The following ESPN variants were observed in gnomAD, a reference collection of about 807,000 sequenced individuals.
ESPN encodes autosomal recessive deafness type 36 protein.
A neutral mutation model predicts 77.7 loss-of-function variants in ESPN; 68 were observed. The ratio of observed to expected loss-of-function variants is 0.87; its 90% CI spans 0.72 to 1.07. The LOEUF is 1.07. ESPN is among the 50% of genes least tolerant of loss of function. The probability of loss-of-function intolerance (pLI) is 0.00; values close to 1 mark genes in which losing one functional copy is unlikely to be tolerated. For missense variants in ESPN, 1,060 were observed against 1,239.0 expected (o/e 0.86, Z 2.17); for synonymous variants, 449 against 567.1 (o/e 0.79, Z 2.96).
At chr1:6,454,980 C>G (rs1644024041) in intron 10 of ESPN, 1 of 379,334 alleles carries the variant, frequency 2.6e-6, no homozygotes, top group African/African-American at 2.1e-5. Flanking sequence ...CACCTACGAG[C>G]TGCGCGCACG....
intron 5 of ESPN, among the ~76,000 whole-genome samples, chr1:6,443,922 C>G (rs1297018188): frequency 1.3e-5 from 2 of 152,196 alleles, no homozygotes; most frequent in Non-Finnish European, 2.9e-5. Context: ...ACGCACAGAC[C>G]GGGCAGGGCG....
rs748372453 is a variant in ESPN, at chr1:6,444,446, T to C, written c.991-35T>C. 52 of 1,609,820 alleles carry C rather than the reference T, an allele frequency of 3.2e-5. No homozygotes were observed. The East Asian group carries it at 8.5e-4, about 26-fold the overall frequency. ...CTGGAGAGCAACGCATCTTGGGGTATGGTTGTCTTCATGGCCTCCCTGCCT... is the reference window on the plus strand; with the variant it reads ...CTGGAGAGCAACGCATCTTGGGGTACGGTTGTCTTCATGGCCTCCCTGCCT... On this transcript the variant is annotated intron_variant, in intron 5 of 12. Coordinates refer to ENST00000645284, the MANE Select transcript of ESPN (RefSeq NM_031475.3).
intron 10 of ESPN, among the ~76,000 whole-genome samples, chr1:6,452,630 C>CG (rs1643969983): frequency 6.6e-6 from 1 of 152,124 alleles, no homozygotes; most frequent in African/African-American, 2.4e-5. Context: ...GAGGTCTGGG[C>CG]GGGGCTGAGG....
chr1:6,436,798 A>G (rs775391622), intron 2 of ESPN, among the ~76,000 whole-genome samples: 13 of 152,024 alleles, frequency 8.6e-5, no homozygotes, highest in Admixed American at 2.6e-4. Flanking sequence ...TGTGATGAGA[A>G]TTTCATTTTG....
chr1:6,457,196 G>A lies in ESPN; in HGVS notation c.2338G>A (p.Glu780Lys). The change falls in exon 11 of 13, where the codon GAG becomes AAG. Residue 780 changes from glutamate to lysine, a missense_variant. Glu to Lys is a moderately conservative substitution (Grantham distance 56). Transcript: ENST00000645284. ...EEQRRKEEEE[E>K]ARLASMPAWR... ...GGTTGTGTTTCAGGAGGAGGAGGAG[G>A]AGGCCCGGCTGGCCAGCATGCCCGC... 5.0e-6 allele frequency: 8 copies of A among 1,604,960 alleles called. No individual in the cohort carries two copies. Among genetic ancestry groups the A allele is most frequent in the Non-Finnish European group, 6.8e-6 (8 of 1,175,622 alleles).
chr1:6,424,911 T>C lies in ESPN; in HGVS notation c.-45T>C, dbSNP rs756448966. ...CCGCAAGAACACGTGCATGGCGTCC[T>C]GGGGAAGGCGCTGAGTGCGGAGTCG... On this transcript the variant is annotated 5_prime_UTR_variant, in exon 1 of 13. Transcript: ENST00000645284. 4.0e-5 allele frequency: 56 copies of C among 1,414,802 alleles called. 1 individual carries two copies. In the South Asian group the frequency reaches 5.2e-4, roughly 13 times the overall value. The allele number at this position is 1,414,802 out of a possible 1,614,324, so 87.6% of individuals were successfully genotyped here.
In ESPN at chr1:6,456,981, C is replaced by T. The variant is rs140949581; in HGVS notation, c.2326-203C>T. ...TCAGCTCTGATCTCTCTGGTGCCTCCTGTAGGACATGAGGGTCTGGGTTAC... is the reference window on the plus strand; with the variant it reads ...TCAGCTCTGATCTCTCTGGTGCCTCTTGTAGGACATGAGGGTCTGGGTTAC... On this transcript the variant is annotated intron_variant, in intron 10 of 12. Transcript: ENST00000645284. Among the ~76,000 whole-genome samples the T allele has an allele frequency of 8.4e-3, 1,275 of 152,356 alleles. 20 individuals carry two copies. The highest frequency in any genetic ancestry group is 0.029 in the African/African-American group (1,225 of 41,572).
At position 6,450,867 on chromosome 1, in the gene ESPN, T is replaced by C. The variant is rs1643932277; in HGVS notation, c.1916-736T>C. ...CATCGGGGCTCAAGAGACCTCTCTC[T>C]CCAAATCTCCATTTGCCTCCTCTGG... On this transcript the variant is annotated intron_variant, in intron 8 of 12. Transcript: ENST00000645284. The surrounding 1 kb of genome is among the most constrained non-coding windows in gnomAD (Gnocchi z 4.3). 6.6e-6 allele frequency among the ~76,000 whole-genome samples: 1 copy of C among 152,156 alleles called. No individual in the cohort carries two copies. Among genetic ancestry groups the C allele is most frequent in the Non-Finnish European group, 1.5e-5 (1 of 67,992 alleles).
chr1:6,460,427 G>A lies in ESPN; in HGVS notation c.*281G>A, dbSNP rs1644138809. ...CCGACTTACATATATTTGCATGTTC[G>A]TTGACTATCAAAGAGTGCAGAGCTC... On this transcript the variant is annotated 3_prime_UTR_variant, in exon 13 of 13. Coordinates refer to ENST00000645284, the MANE Select transcript of ESPN (RefSeq NM_031475.3). 4 of 436,534 alleles carry A rather than the reference G, an allele frequency of 9.2e-6. No individual in the cohort carries two copies. The highest frequency in any genetic ancestry group is 8.0e-5 in the African/African-American group (4 of 50,118). 27.0% of individuals were successfully genotyped at this position (436,534 alleles called of 1,614,324 possible). A position where few individuals can be genotyped will look rare whatever the true frequency, so the allele number is the denominator to read the frequency against.
intron 10 of ESPN, chr1:6,456,018 C>T: frequency 2.5e-6 from 1 of 396,926 alleles, no homozygotes; most frequent in Non-Finnish European, 4.4e-6. Context: ...GCCGCCGCCG[C>T]CGCCCCCGCC....
Position 6,440,389 on chromosome 1 carries a change from C to T in ESPN, c.624C>T (p.Thr208=), listed in dbSNP as rs1402350266. 1 of 1,587,746 alleles carries T rather than the reference C, an allele frequency of 6.3e-7. No individual in the cohort carries two copies. Among genetic ancestry groups the T allele is most frequent in the South Asian group, 1.1e-5 (1 of 88,078 alleles). The part of the protein sequence containing the change: ...DPHARAHDGM[T]PLHAAAQMGH... ...ACGCGCGCGCCCACGACGGCATGAC[C>T]CCGCTGCACGCCGCGGCGCAGATGG... Residue 208 remains threonine (T), a synonymous_variant, in exon 3 of 13, where the codon ACC becomes ACT. Coordinates refer to ENST00000645284, the MANE Select transcript of ESPN (RefSeq NM_031475.3).
chr1:6,435,069 G>A (rs772431512), intron 2 of ESPN, among the ~76,000 whole-genome samples: 1 of 152,148 alleles, frequency 6.6e-6, no homozygotes, highest in South Asian at 2.1e-4. Flanking sequence ...ACGGCCTGGG[G>A]TGTAGAACCT....
At position 6,447,528 on chromosome 1, in the gene ESPN, C is replaced by A. The variant is rs1251447201; in HGVS notation, c.1465-1113C>A. On this transcript the variant is annotated intron_variant, in intron 7 of 12. Transcript: ENST00000645284. This position sits in a 1 kb window ranked among gnomAD's most constrained non-coding sequence, Gnocchi z 5.2. ...GGCTGGAGAGTGGGGCAGAGGACAGCCCCCACCCGGTCACTCAGTCTTTGG... is the reference window on the plus strand; with the variant it reads ...GGCTGGAGAGTGGGGCAGAGGACAGACCCCACCCGGTCACTCAGTCTTTGG... 6.6e-6 allele frequency: 1 copy of A among 152,350 alleles called. No individual in the cohort carries two copies. Among genetic ancestry groups the A allele is most frequent in the East Asian group, 1.9e-4 (1 of 5,190 alleles). The allele number at this position is 152,350 out of a possible 1,614,324, so 9.4% of individuals were successfully genotyped here. A position where few individuals can be genotyped will look rare whatever the true frequency, so the allele number is the denominator to read the frequency against.
Position 6,440,429 on chromosome 1 carries a change from A to G in ESPN, c.664A>G (p.Ile222Val). The change falls in exon 3 of 13, where the codon ATC becomes GTC. Residue 222 changes from isoleucine (I) to valine (V), a missense_variant. Physicochemically the swap from Ile to Val is conservative, Grantham distance 29 (BLOSUM62 3). Coordinates refer to ENST00000645284, the MANE Select transcript of ESPN (RefSeq NM_031475.3). ...AAAQMGHSPV[I>V]VWLVSCTDVS... The stretch of plus-strand genomic sequence containing the variant: ...GGCGCAGATGGGCCACAGCCCAGTC[A>G]TCGTGTGGTTGGTGAGCTCCGGGCC... 1.9e-6 allele frequency: 3 copies of G among 1,568,514 alleles called. No homozygotes were observed. Among genetic ancestry groups the G allele is most frequent in the Non-Finnish European group, 2.6e-6 (3 of 1,160,450 alleles).
chr1:6,430,985 G>C (rs1373250461), intron 2 of ESPN, among the ~76,000 whole-genome samples: 1 of 152,120 alleles, frequency 6.6e-6, no homozygotes, highest in Non-Finnish European at 1.5e-5. Flanking sequence ...AGAGCAGGTG[G>C]CCCCAAGGCC....
In ESPN at chr1:6,451,390, T is replaced by C; in HGVS notation, c.1916-213T>C. 3.1e-6 allele frequency: 2 copies of C among 635,890 alleles called. No homozygotes were observed. The highest frequency in any genetic ancestry group is 5.5e-6 in the Non-Finnish European group (2 of 364,144). 39.4% of individuals were successfully genotyped at this position (635,890 alleles called of 1,614,324 possible). On this transcript the variant is annotated intron_variant, in intron 8 of 12. Coordinates refer to ENST00000645284, the MANE Select transcript of ESPN (RefSeq NM_031475.3). The surrounding 1 kb of genome is among the most constrained non-coding windows in gnomAD (Gnocchi z 4.3). The stretch of plus-strand genomic sequence containing the variant: ...CATCCCGTGAGTAGGGTGGGGAAGA[T>C]GGTGGGGTTGCCACAGTCAGGGAAC...
chr1:6,441,020 C>A lies in ESPN; in HGVS notation c.945C>A (p.Asn315Lys), dbSNP rs752466249. 5 of 1,610,860 alleles carry A rather than the reference C, an allele frequency of 3.1e-6. No homozygotes were observed. In the South Asian group the frequency reaches 5.5e-5, roughly 18 times the overall value. ...CGGCCGCCGACCTGTCGGACTTCAA[C>A]GGCCACAGCCACTGCACCCGCTACC... Reference protein sequence around the residue: ...GYTAADLSDFNGHSHCTRYLR... With the variant: ...GYTAADLSDFKGHSHCTRYLR... The change falls in exon 5 of 13, where the codon AAC becomes AAA. Residue 315 changes from asparagine (N) to lysine (K), a missense_variant. Coordinates refer to ENST00000645284, the MANE Select transcript of ESPN (RefSeq NM_031475.3).
chr1:6,440,487 G>C (rs191234203), intron 3 of ESPN, 47 bp downstream of exon 3: 2 of 1,475,742 alleles, frequency 1.4e-6, no homozygotes, highest in Non-Finnish European at 9.0e-7. Flanking sequence ...GGGCGGAGCC[G>C]GCAGGGCGGG....
chr1:6,460,732 C>A lies in ESPN; in HGVS notation c.*586C>A, dbSNP rs1407347820. The A allele has an allele frequency of 1.1e-5, 2 of 174,406 alleles. No homozygotes were observed. Among genetic ancestry groups the A allele is most frequent in the Admixed American group, 1.1e-4 (2 of 17,762 alleles). The allele number at this position is 174,406 out of a possible 1,614,324, so 10.8% of individuals were successfully genotyped here. ...CTGGCCGGGCCGCACTTGTGGCCCC[C>A]GGGACCCCACCTCTGGCCCCACCTC... On this transcript the variant is annotated 3_prime_UTR_variant, in exon 13 of 13. Transcript: ENST00000645284.
Sources: gnomAD v4.1 joint callset for allele counts (sites outside exome capture counted in the v4.1 genomes callset) on GRCh38, gnomAD v4.1.1 for gene constraint, Gnocchi (gnomAD v3.1) non-coding constraint, MANE v1.5 for transcripts, NCBI Gene and HGNC (gene_info 2026-07-23, HGNC 2026-07-21) for gene names.